HDAC9: variants seen among roughly 807,000 people sequenced by gnomAD.
HDAC9 encodes MEF-2 interacting transcription repressor (MITR) protein.
In HDAC9, 41 loss-of-function variants were observed where a neutral mutation model predicts 139.4. That is an observed-to-expected ratio of 0.29 (90% CI 0.23 to 0.38). The LOEUF is 0.38. HDAC9 is among the 10% of genes least tolerant of loss of function. The pLI is 1.00. For missense variants in HDAC9, 1,147 were observed against 1,297.0 expected (o/e 0.88, Z 1.78); for synonymous variants, 517 against 476.2 (o/e 1.09, Z -1.12).
chr7:18,295,500 A>G (rs1009736844), intron 1 of HDAC9, among the ~76,000 whole-genome samples: 2 of 152,134 alleles, frequency 1.3e-5, no homozygotes, highest in African/African-American at 4.8e-5. Flanking sequence ...ATATATGAAG[A>G]CAATAAAAGA....
At chr7:18,653,466 C>T (rs1030048822) in intron 11 of HDAC9, among the ~76,000 whole-genome samples, 1 of 152,002 alleles carries the variant, frequency 6.6e-6, no homozygotes, top group Non-Finnish European at 1.5e-5. Context: ...TTGTGCATTC[C>T]TATGACTGGC....
chr7:18,390,834 A>G (rs1036729424), intron 1 of HDAC9, among the ~76,000 whole-genome samples: 1 of 152,214 alleles, frequency 6.6e-6, no homozygotes, highest in Admixed American at 6.5e-5. Flanking sequence ...CACGCCTGTA[A>G]TCCCAACAGT....
At chr7:18,105,588 A>C (rs1321594923) in intron 1 of HDAC9, among the ~76,000 whole-genome samples, 1 of 145,412 alleles carries the variant, frequency 6.9e-6, no homozygotes, top group African/African-American at 2.6e-5. Flanking sequence ...CTAGATGTGG[A>C]TTTCATCTAC....
intron 8 of HDAC9, among the ~76,000 whole-genome samples, chr7:18,635,590 T>C (rs1449591863): frequency 6.6e-6 from 1 of 152,250 alleles, no homozygotes; most frequent in African/African-American, 2.4e-5. Context: ...ATCACCTGTT[T>C]TGAAGTCATC....
intron 17 of HDAC9, among the ~76,000 whole-genome samples, chr7:18,824,544 A>G (rs1288923620): frequency 2.0e-5 from 3 of 152,218 alleles, no homozygotes; most frequent in African/African-American, 4.8e-5. Context: ...GGAGAGTAGG[A>G]TGCTTGACAT....
At chr7:18,392,313 TCTCA>T (rs772451624) in intron 1 of HDAC9, among the ~76,000 whole-genome samples, 77 of 111,228 alleles carry the variant, frequency 6.9e-4, no homozygotes, top group African/African-American at 8.8e-4. Flanking sequence ...TCTCTCTCTC[TCTCA>T]CACACACACA....
intron 8 of HDAC9, among the ~76,000 whole-genome samples, chr7:18,636,297 C>A (rs2285433): frequency 0.089 from 13,582 of 152,120 alleles, 1,049 homozygotes; most frequent in East Asian, 0.36. Context: ...GCCAGCCCCC[C>A]CTGCCCTGGG....
chr7:18,988,187 C>G (rs956531709), intron 25 of HDAC9, among the ~76,000 whole-genome samples: 1 of 152,044 alleles, frequency 6.6e-6, no homozygotes, highest in East Asian at 1.9e-4. Context: ...CCTGCTTTCT[C>G]TTGTGGGCAT....
chr7:18,579,910 C>T (rs903235604), intron 2 of HDAC9, among the ~76,000 whole-genome samples: 4 of 152,042 alleles, frequency 2.6e-5, no homozygotes, highest in African/African-American at 7.3e-5. Flanking sequence ...TTTTTTCATA[C>T]GTAAGGCTTG....
At position 18,990,127 on chromosome 7, in the gene HDAC9, A is replaced by G. The variant is rs371359374; in HGVS notation, c.3171-5896A>G. ...TGAGTTCCTTTGGAGGAGGAGAGGC[A>G]CTCTGCGTTTTAGAGTTTCCAGTTT... On this transcript the variant is annotated intron_variant, in intron 25 of 25. Coordinates refer to ENST00000686413, the MANE Select transcript of HDAC9 (RefSeq NM_178425.4). Among the ~76,000 whole-genome samples the G allele has an allele frequency of 2.6e-3, 399 of 151,968 alleles. 13 individuals carry two copies. The East Asian group carries it at 0.067, about 25-fold the overall frequency.
chr7:18,724,584 TACACTTAGG>T (rs1358976446), intron 12 of HDAC9, among the ~76,000 whole-genome samples: 1 of 152,144 alleles, frequency 6.6e-6, no homozygotes, highest in Non-Finnish European at 1.5e-5. Flanking sequence ...ATAAACACTG[TACACTTAGG>T]CTACACTAAA....
intron 23 of HDAC9, among the ~76,000 whole-genome samples, chr7:18,946,036 C>CAAAATAAAAAAAAAAAA (rs1563077235): frequency 3.1e-4 from 12 of 38,274 alleles, no homozygotes; most frequent in East Asian, 1.5e-3. Context: ...GACTCCGTCT[C>CAAAATAAAAAAAAAAAA]AAAAAAAAAA....
At chr7:18,874,192 G>A (rs1302631524) in intron 21 of HDAC9, among the ~76,000 whole-genome samples, 7 of 150,614 alleles carry the variant, frequency 4.6e-5, no homozygotes, top group Non-Finnish European at 7.4e-5. Context: ...AGCCACAGAC[G>A]TATGTGTAAT....
chr7:18,767,411 G>A (rs41273069), intron 16 of HDAC9, among the ~76,000 whole-genome samples: 212 of 152,280 alleles, frequency 1.4e-3, no homozygotes, highest in Non-Finnish European at 2.5e-3. Context: ...GTAAGTTCCC[G>A]TGTGACTGCA....
intron 12 of HDAC9, chr7:18,666,813 A>G (rs1795004334): frequency 9.2e-7 from 1 of 1,087,622 alleles, no homozygotes. Context: ...TTCTAAAGAA[A>G]ACAAATTCAC....
intron 2 of HDAC9, among the ~76,000 whole-genome samples, chr7:18,168,893 T>G (rs143898940): frequency 0.078 from 9,121 of 116,688 alleles, 369 homozygotes; most frequent in African/African-American, 0.11. Context: ...TTTTTTTTTT[T>G]TTTTTGTGTG....
At chr7:18,157,539 G>C (rs755638107) in intron 1 of HDAC9, among the ~76,000 whole-genome samples, 1 of 152,102 alleles carries the variant, frequency 6.6e-6, no homozygotes, top group Admixed American at 6.6e-5. Context: ...ACAATTAATT[G>C]AGCTAAGGCA....
At chr7:18,939,488 A>G (rs966279812) in intron 23 of HDAC9, among the ~76,000 whole-genome samples, 2 of 152,232 alleles carry the variant, frequency 1.3e-5, no homozygotes, top group African/African-American at 2.4e-5. Flanking sequence ...AACACATTAA[A>G]GAATGGAGAG....
At chr7:18,902,512 G>T (rs557698155) in intron 22 of HDAC9, among the ~76,000 whole-genome samples, 1 of 152,128 alleles carries the variant, frequency 6.6e-6, no homozygotes, top group Non-Finnish European at 1.5e-5. Flanking sequence ...CCAAAGATTC[G>T]TTTGGAATAG....
Sources: gnomAD v4.1 joint callset for allele counts (sites outside exome capture counted in the v4.1 genomes callset) on GRCh38, gnomAD v4.1.1 for gene constraint, MANE v1.5 for transcripts, NCBI Gene and HGNC (gene_info 2026-07-23, HGNC 2026-07-21) for gene names.